STXBP5L: variants seen among roughly 807,000 people sequenced by gnomAD.
STXBP5L encodes syntaxin-binding protein 5-like.
STXBP5L carries 65 observed loss-of-function variants against 144.5 expected under a neutral mutation model. The observed-to-expected ratio is 0.45, with a 90% confidence interval of 0.37 to 0.55. The LOEUF is 0.55. Among genes scored for constraint, STXBP5L ranks in the 20% least tolerant of loss-of-function variants. STXBP5L has a pLI of 0.00. For missense variants in STXBP5L, 1,298 were observed against 1,405.5 expected, an observed-to-expected ratio of 0.92 and a Z score of 1.22; for synonymous variants, 505 against 469.6, an observed-to-expected ratio of 1.08 and a Z score of -0.97.
chr3:121,308,888 T>A (rs2043428890), intron 19 of STXBP5L, among the ~76,000 whole-genome samples: 1 of 152,130 alleles, frequency 6.6e-6, no homozygotes, highest in African/African-American at 2.4e-5. Flanking sequence ...TATTAAAAAT[T>A]AACATTTCTG....
At chr3:121,285,918 C>T (rs1288947345) in intron 19 of STXBP5L, among the ~76,000 whole-genome samples, 2 of 151,872 alleles carry the variant, frequency 1.3e-5, no homozygotes, top group Non-Finnish European at 2.9e-5. Flanking sequence ...CAACCCACAC[C>T]ACAGAGAGGT....
chr3:121,324,183 A>T (rs546656146), intron 20 of STXBP5L, among the ~76,000 whole-genome samples: 2 of 152,202 alleles, frequency 1.3e-5, no homozygotes, highest in South Asian at 4.1e-4. Flanking sequence ...TAGTCACAAA[A>T]TACTAACAAA....
chr3:121,196,196 C>T (rs2047912697), intron 9 of STXBP5L, among the ~76,000 whole-genome samples: 1 of 150,960 alleles, frequency 6.6e-6, no homozygotes, highest in South Asian at 2.1e-4. Context: ...GTCTTTCTCT[C>T]TCACCCAGGC....
At chr3:121,107,860 C>T (rs2043790098) in intron 5 of STXBP5L, among the ~76,000 whole-genome samples, 1 of 152,030 alleles carries the variant, frequency 6.6e-6, no homozygotes, top group Non-Finnish European at 1.5e-5. Context: ...AATGTTTTTT[C>T]CATTTGCTTA....
intron 2 of STXBP5L, among the ~76,000 whole-genome samples, chr3:120,951,116 C>G (rs1382252911): frequency 6.6e-6 from 1 of 152,160 alleles, no homozygotes; most frequent in Non-Finnish European, 1.5e-5. Context: ...AAAGCTGAAA[C>G]TGGATCCCTT....
chr3:121,348,762 T>C (rs1167125471), intron 20 of STXBP5L, among the ~76,000 whole-genome samples: 1 of 152,124 alleles, frequency 6.6e-6, no homozygotes, highest in African/African-American at 2.4e-5. Flanking sequence ...TTTATGGTAT[T>C]CTCTGATGGT....
chr3:121,192,640 C>G (rs1426919677), intron 9 of STXBP5L, among the ~76,000 whole-genome samples: 1 of 152,146 alleles, frequency 6.6e-6, no homozygotes, highest in African/African-American at 2.4e-5. Flanking sequence ...ACCAATGGAA[C>G]AGAACAGAGG....
chr3:121,121,106 C>G (rs949057039), intron 6 of STXBP5L, among the ~76,000 whole-genome samples: 7 of 151,166 alleles, frequency 4.6e-5, no homozygotes, highest in Admixed American at 4.6e-4. Context: ...AACCAATGAA[C>G]TAGGTTTCAC....
At chr3:121,346,051 C>T (rs1002929188) in intron 20 of STXBP5L, among the ~76,000 whole-genome samples, 1 of 151,416 alleles carries the variant, frequency 6.6e-6, no homozygotes, top group Non-Finnish European at 1.5e-5. Context: ...TGTGCTGCAC[C>T]CACTAACTCA....
chr3:121,370,194 G>A (rs57751922), intron 20 of STXBP5L, among the ~76,000 whole-genome samples: 184 of 152,074 alleles, frequency 1.2e-3, no homozygotes, highest in African/African-American at 4.3e-3. Flanking sequence ...GGTGAAACCC[G>A]TCTCTACTAA....
chr3:121,383,804 A>G (rs530208754), intron 22 of STXBP5L, among the ~76,000 whole-genome samples: 2 of 152,134 alleles, frequency 1.3e-5, no homozygotes, highest in South Asian at 4.1e-4. Context: ...TGCCATATTT[A>G]TTTTCTTTCC....
At chr3:121,208,591 CAT>C (rs1249055967) in intron 10 of STXBP5L, among the ~76,000 whole-genome samples, 2 of 152,064 alleles carry the variant, frequency 1.3e-5, no homozygotes, top group African/African-American at 2.4e-5. Context: ...AAATATATGA[CAT>C]ATATTTTGCC....
chr3:121,311,973 T>C (rs143692054), intron 19 of STXBP5L, among the ~76,000 whole-genome samples: 1 of 152,142 alleles, frequency 6.6e-6, no homozygotes, highest in Non-Finnish European at 1.5e-5. Context: ...CAAAACAGCA[T>C]GGTACTGGTA....
rs145837750 is a variant in STXBP5L, at chr3:121,247,644, C to T, written c.1401-3079C>T. Among the ~76,000 whole-genome samples, 692 of 152,274 alleles carry T rather than the reference C, an allele frequency of 4.5e-3. 4 individuals carry two copies. The highest frequency in any genetic ancestry group is 0.016 in the African/African-American group (659 of 41,554). ...GCTCCATCCATGTTGCTGTAAAGGACATGATTTCACTCTTTTTTTATGGCT... is the reference window on the plus strand; with the variant it reads ...GCTCCATCCATGTTGCTGTAAAGGATATGATTTCACTCTTTTTTTATGGCT... On this transcript the variant is annotated intron_variant, in intron 14 of 26. Coordinates refer to ENST00000471454, the MANE Select transcript of STXBP5L (RefSeq NM_001308330.2).
At chr3:121,338,722 C>CT (rs985419839) in intron 20 of STXBP5L, among the ~76,000 whole-genome samples, 15 of 151,458 alleles carry the variant, frequency 9.9e-5, no homozygotes. Context: ...GGCATTACAG[C>CT]TGATACCACA....
rs539588506 is a variant in STXBP5L, at chr3:121,028,088, TTAAA to T, written c.288-13606_288-13603del. ...AAATCACATACGCAATATACATTTG[TTAAA>T]TAAATTAATTAATACAAGTATGTAT... On this transcript the variant is annotated intron_variant, in intron 3 of 26. Transcript: ENST00000471454. Among the ~76,000 whole-genome samples, 471 of 152,246 alleles carry T rather than the reference TTAAA, an allele frequency of 3.1e-3. 2 individuals are homozygous for T. The highest frequency in any genetic ancestry group is 5.7e-3 in the Non-Finnish European group (388 of 67,996).
At chr3:121,337,439 T>TAAAAAAAAAAAAAAA (rs59662899) in intron 20 of STXBP5L, among the ~76,000 whole-genome samples, 1 of 71,062 alleles carries the variant, frequency 1.4e-5, no homozygotes. Flanking sequence ...GCAACAACAG[T>TAAAAAAAAAAAAAAA]AAAAAAAAAA....
chr3:120,965,618 G>A (rs948056298), intron 3 of STXBP5L, among the ~76,000 whole-genome samples: 4 of 152,132 alleles, frequency 2.6e-5, no homozygotes, highest in Admixed American at 6.5e-5. Context: ...CTCTCTTCTG[G>A]CTTGTAGGCT....
chr3:121,131,025 A>T (rs1403657438), intron 7 of STXBP5L, among the ~76,000 whole-genome samples: 9 of 152,118 alleles, frequency 5.9e-5, no homozygotes, highest in Non-Finnish European at 1.2e-4. Context: ...AAGGAAACAG[A>T]CATAAAGAGA....
Sources: allele counts gnomAD v4.1 joint callset (sites outside exome capture counted in the v4.1 genomes callset), GRCh38; gene constraint gnomAD v4.1.1; transcripts MANE v1.5; gene names NCBI Gene and HGNC (gene_info 2026-07-23, HGNC 2026-07-21).